TPO: variants seen among roughly 807,000 people sequenced by gnomAD.
TPO encodes thyroid microsomal antigen.
TPO carries 78 observed loss-of-function variants against 96.9 expected under a neutral mutation model. The observed-to-expected ratio is 0.81, with a 90% confidence interval of 0.67 to 0.97. The LOEUF is 0.97. Among genes scored for constraint, TPO ranks in the 50% least tolerant of loss-of-function variants. TPO has a pLI of 0.00. For missense variants in TPO, 1,252 were observed against 1,274.8 expected (o/e 0.98, Z 0.27); for synonymous variants, 547 against 538.0 (o/e 1.02, Z -0.23).
At chr2:1,442,806 A>T (rs1666324569) in intron 5 of TPO, among the ~76,000 whole-genome samples, 2 of 152,262 alleles carry the variant, frequency 1.3e-5, no homozygotes. Flanking sequence ...GAGACAATGC[A>T]GCAGAAATAA....
chr2:1,441,414 G>T (rs1226327499), intron 5 of TPO, among the ~76,000 whole-genome samples: 1 of 152,244 alleles, frequency 6.6e-6, no homozygotes, highest in African/African-American at 2.4e-5. Context: ...GTGTGTGCAT[G>T]CACGGCAAGC....
chr2:1,404,768 G>T (rs970998211), intron 1 of TPO, among the ~76,000 whole-genome samples: 6 of 152,112 alleles, frequency 3.9e-5, no homozygotes, highest in Non-Finnish European at 5.9e-5. Flanking sequence ...TTCATACACG[G>T]TCATTTCTTT....
At chr2:1,378,983 G>C (rs1222234047) in intron 1 of TPO, among the ~76,000 whole-genome samples, 1 of 152,162 alleles carries the variant, frequency 6.6e-6, no homozygotes, top group African/African-American at 2.4e-5. Flanking sequence ...ATTGACTTTG[G>C]AAATCTGAAA....
intron 3 of TPO, among the ~76,000 whole-genome samples, chr2:1,429,012 C>T (rs1664713910): frequency 6.6e-6 from 1 of 152,076 alleles, no homozygotes; most frequent in African/African-American, 2.4e-5. Context: ...CTATATAGTA[C>T]CTTTTACAAA....
At chr2:1,535,352 A>C (rs1573639120) in intron 15 of TPO, among the ~76,000 whole-genome samples, 1 of 59,036 alleles carries the variant, frequency 1.7e-5, no homozygotes, top group African/African-American at 6.6e-5. Flanking sequence ...AACCTACTCA[A>C]ATCCCCCCAC....
chr2:1,414,542 G>C, intron 2 of TPO, 40 bp downstream of exon 2: 1 of 1,590,962 alleles, frequency 6.3e-7, no homozygotes, highest in Non-Finnish European at 8.6e-7. Context: ...GCCTTATAAA[G>C]TTATTTTTCA....
Position 1,442,347 on chromosome 2 carries a change from A to C in TPO, c.482+5963A>C, listed in dbSNP as rs1030528933. 5.9e-5 allele frequency among the ~76,000 whole-genome samples: 9 copies of C among 152,244 alleles called. No homozygotes were observed. In the East Asian group the frequency reaches 1.7e-3, roughly 29 times the overall value. On this transcript the variant is annotated intron_variant, in intron 5 of 16. Coordinates refer to ENST00000329066, the MANE Select transcript of TPO (RefSeq NM_001206744.2). Reference sequence around the variant, plus strand: ...GGGTCATTGTGGAGATCTGTGTGCCACAACAGCCAGAAAACAAAGGGGCCA... The same window carrying C: ...GGGTCATTGTGGAGATCTGTGTGCCCCAACAGCCAGAAAACAAAGGGGCCA...
intron 15 of TPO, among the ~76,000 whole-genome samples, chr2:1,531,510 T>A (rs1407666706): frequency 7.5e-4 from 43 of 57,414 alleles, no homozygotes; most frequent in East Asian, 6.2e-3. Flanking sequence ...CTCCCAAAAT[T>A]GCCCCCACTG....
At chr2:1,426,365 A>C (rs148541596) in intron 3 of TPO, among the ~76,000 whole-genome samples, 1 of 141,836 alleles carries the variant, frequency 7.1e-6, no homozygotes. Context: ...TGCTCCTTCC[A>C]TAAAGTCATT....
chr2:1,416,962 C>T (rs1460864227), intron 2 of TPO, among the ~76,000 whole-genome samples: 3 of 152,138 alleles, frequency 2.0e-5, no homozygotes, highest in Non-Finnish European at 2.9e-5. Flanking sequence ...CATGGTGCTC[C>T]GGGGGGTCCT....
chr2:1,435,356 A>G (rs981082552), intron 4 of TPO, among the ~76,000 whole-genome samples: 3 of 152,220 alleles, frequency 2.0e-5, no homozygotes. Flanking sequence ...CTGAATGCAC[A>G]CTGCAGTCCA....
intron 13 of TPO, 82 bp downstream of exon 13, chr2:1,496,847 C>A (rs957568707): frequency 1.2e-6 from 2 of 1,602,202 alleles, no homozygotes; most frequent in Non-Finnish European, 1.7e-6. Flanking sequence ...TTGAAAATTT[C>A]TTCGCCAAAA....
rs889189089 is a variant in TPO at position 1,501,827 on chromosome 2, G to A, written c.2387-2121G>A. Reference sequence around the variant, plus strand: ...CCTGCTGAAGGAGCACCACCCGGCCGACACCCTGATTTCAGACCTGTGACC... The same window carrying A: ...CCTGCTGAAGGAGCACCACCCGGCCAACACCCTGATTTCAGACCTGTGACC... On this transcript the variant is annotated intron_variant, in intron 13 of 16. Transcript: ENST00000329066. Among the ~76,000 whole-genome samples the A allele has an allele frequency of 1.8e-4, 27 of 152,138 alleles. No homozygotes were observed. The East Asian group carries it at 5.2e-3, about 30-fold the overall frequency.
intron 15 of TPO, among the ~76,000 whole-genome samples, chr2:1,535,155 C>A (rs1416782723): frequency 4.8e-4 from 3 of 6,284 alleles, no homozygotes. Context: ...AAATCCCCCC[C>A]CCCCCCATTG....
chr2:1,428,602 C>T (rs1289574566), intron 3 of TPO, among the ~76,000 whole-genome samples: 1 of 152,086 alleles, frequency 6.6e-6, no homozygotes, highest in Non-Finnish European at 1.5e-5. Context: ...CCATGGGTGC[C>T]AGGCAAAAGA....
chr2:1,486,032 AG>A (rs1671128996), intron 9 of TPO, among the ~76,000 whole-genome samples: 1 of 152,118 alleles, frequency 6.6e-6, no homozygotes, highest in African/African-American at 2.4e-5. Context: ...TTACGGTTTT[AG>A]GTCTAACATT....
intron 7 of TPO, among the ~76,000 whole-genome samples, chr2:1,462,047 G>A (rs899434073): frequency 6.6e-6 from 1 of 152,132 alleles, no homozygotes; most frequent in Non-Finnish European, 1.5e-5. Context: ...GAGTGAGCCC[G>A]GTCACCCCAG....
At chr2:1,542,028 C>A in intron 16 of TPO, 1 of 254,718 alleles carries the variant, frequency 3.9e-6, no homozygotes, top group Non-Finnish European at 7.6e-6. Context: ...CTTTTCCAGC[C>A]ACAGCAAGGG....
At chr2:1,436,496 G>A in intron 5 of TPO, 112 bp downstream of exon 5, 1 of 1,530,968 alleles carries the variant, frequency 6.5e-7, no homozygotes, top group Non-Finnish European at 8.9e-7. Context: ...CCACCCCTGA[G>A]CCCCTGGTTC....
Sources: gnomAD v4.1 joint callset for allele counts (sites outside exome capture counted in the v4.1 genomes callset) on GRCh38, gnomAD v4.1.1 for gene constraint, MANE v1.5 for transcripts, NCBI Gene and HGNC (gene_info 2026-07-23, HGNC 2026-07-21) for gene names.